Variants in STAU1 observed in about 807,000 individuals in gnomAD.
The protein encoded by STAU1 is double-stranded RNA-binding protein Staufen homolog 1.
In STAU1, 13 loss-of-function variants were observed where a neutral mutation model predicts 62.9. The ratio of observed to expected loss-of-function variants is 0.21; its 90% CI spans 0.13 to 0.33. The LOEUF is 0.33. Among genes scored for constraint, STAU1 ranks in the 10% least tolerant of loss-of-function variants. STAU1 has a pLI of 1.00. For missense variants in STAU1, 571 were observed against 712.1 expected (o/e 0.80, Z 2.25); for synonymous variants, 269 against 265.1 (o/e 1.01, Z -0.14).
intron 9 of STAU1, 148 bp downstream of exon 9, chr20:49,119,834 G>C (rs2092422676): frequency 1.0e-6 from 1 of 964,140 alleles, no homozygotes; most frequent in South Asian, 1.8e-5. Context: ...AGCACATTAT[G>C]GTCCAAATGG....
At chr20:49,167,220 T>C (rs530566437) in intron 2 of STAU1, among the ~76,000 whole-genome samples, 33 of 136,446 alleles carry the variant, frequency 2.4e-4, no homozygotes, top group African/African-American at 7.3e-4. Flanking sequence ...TCAAAGTACT[T>C]AAAAATAACC....
At chr20:49,135,038 T>G (rs1022568465) in intron 6 of STAU1, 36 of 1,521,570 alleles carry the variant, frequency 2.4e-5, no homozygotes, top group Non-Finnish European at 3.2e-5. Context: ...GCAGCCGCCA[T>G]CTCCAGAGCC....
chr20:49,120,232 G>A (rs2092434372), intron 8 of STAU1, 104 bp from the exon 9 acceptor site: 3 of 1,343,312 alleles, frequency 2.2e-6, no homozygotes, highest in South Asian at 1.5e-5. Context: ...TCAGAAGCAA[G>A]ATAACAGCAG....
chr20:49,151,025 G>A (rs1185730878), intron 5 of STAU1, among the ~76,000 whole-genome samples: 2 of 152,128 alleles, frequency 1.3e-5, no homozygotes, highest in Admixed American at 6.5e-5. Flanking sequence ...AACCAAAGCT[G>A]TGTGGAACGA....
At chr20:49,164,975 T>G (rs1326467349) in intron 3 of STAU1, among the ~76,000 whole-genome samples, 3 of 152,202 alleles carry the variant, frequency 2.0e-5, no homozygotes, top group Non-Finnish European at 4.4e-5. Flanking sequence ...GATAAAATCT[T>G]ACGGACATTC....
At chr20:49,199,999 T>C in the STAU1 span, among the ~76,000 whole-genome samples, 1 of 152,198 alleles carries the variant, frequency 6.6e-6, no homozygotes, top group Admixed American at 6.6e-5. Context: ...TGTGAACTGC[T>C]GCACCCAGCC....
the STAU1 span, among the ~76,000 whole-genome samples, chr20:49,204,746 T>A: frequency 2.0e-5 from 3 of 147,312 alleles, no homozygotes. Context: ...CCTCCCAGGT[T>A]TAAGCCATTC....
intron 3 of STAU1, among the ~76,000 whole-genome samples, chr20:49,159,425 A>G (rs2093416779): frequency 6.6e-6 from 1 of 152,234 alleles, no homozygotes; most frequent in Non-Finnish European, 1.5e-5. Flanking sequence ...TAAATTATTA[A>G]AAGTTCAAGT....
intron 3 of STAU1, among the ~76,000 whole-genome samples, chr20:49,165,102 T>C (rs1022365772): frequency 6.6e-6 from 1 of 152,160 alleles, no homozygotes; most frequent in Admixed American, 6.5e-5. Flanking sequence ...TGGAGTGCAG[T>C]GCCATGATCT....
At chr20:49,215,732 C>T in the STAU1 span, among the ~76,000 whole-genome samples, 20 of 152,174 alleles carry the variant, frequency 1.3e-4, no homozygotes, top group African/African-American at 3.4e-4. Context: ...CTTTGCCAGG[C>T]GCAGTGGCTG....
chr20:49,117,392 G>T lies in STAU1; in HGVS notation c.1510-144C>A. 1 of 1,024,850 alleles carries T rather than the reference G, an allele frequency of 9.8e-7. No individual in the cohort carries two copies. The highest frequency in any genetic ancestry group is 1.4e-6 in the Non-Finnish European group (1 of 699,174). 63.5% of individuals were successfully genotyped at this position (1,024,850 alleles called of 1,614,324 possible). ...CTGTGGCCATACTAACACCTGCCCT[G>T]TCAGCCCAGAACCTTCCAGGAACCT... On this transcript the variant is annotated intron_variant, in intron 11 of 13. Coordinates refer to ENST00000371856, the MANE Select transcript of STAU1 (RefSeq NM_017453.4). The surrounding 1 kb of genome is among the most constrained non-coding windows in gnomAD (Gnocchi z 4.6).
the STAU1 span, among the ~76,000 whole-genome samples, chr20:49,209,068 T>C: frequency 1.3e-5 from 2 of 151,860 alleles, no homozygotes; most frequent in African/African-American, 4.8e-5. Context: ...CCCGAGAAGC[T>C]GGGATTACAG....
intron 5 of STAU1, among the ~76,000 whole-genome samples, chr20:49,148,250 A>C (rs2093168811): frequency 6.6e-6 from 1 of 152,230 alleles, no homozygotes; most frequent in African/African-American, 2.4e-5. Flanking sequence ...CAATGCCACA[A>C]GTGGAAATTC....
the STAU1 span, among the ~76,000 whole-genome samples, chr20:49,195,845 G>A: frequency 7.5e-6 from 1 of 133,870 alleles, no homozygotes; most frequent in Non-Finnish European, 1.5e-5. Flanking sequence ...GGAGGTTGCA[G>A]TGAGATAGCG....
chr20:49,218,166 C>T, the STAU1 span, among the ~76,000 whole-genome samples: 1 of 151,698 alleles, frequency 6.6e-6, no homozygotes, highest in Non-Finnish European at 1.5e-5. Flanking sequence ...CGAGTCACCG[C>T]GCCCAGCTAG....
intron 6 of STAU1, 132 bp from the exon 7 acceptor site, chr20:49,124,719 C>T (rs142328039): frequency 2.1e-5 from 18 of 876,482 alleles, no homozygotes; most frequent in African/African-American, 6.7e-5. Flanking sequence ...TGAAAGGAAG[C>T]GGGGATCATT....
chr20:49,157,173 A>G (rs1175272205), intron 3 of STAU1, among the ~76,000 whole-genome samples: 2 of 152,118 alleles, frequency 1.3e-5, no homozygotes, highest in Non-Finnish European at 2.9e-5. Context: ...CACCACGTCC[A>G]GCCTCAAAAT....
At chr20:49,201,463 T>A in the STAU1 span, among the ~76,000 whole-genome samples, 2 of 152,076 alleles carry the variant, frequency 1.3e-5, no homozygotes, top group African/African-American at 4.8e-5. Context: ...AATATTGGCC[T>A]GGGCATGGTG....
chr20:49,123,343 TG>T (rs2092513110), intron 7 of STAU1, 108 bp from the exon 8 acceptor site: 1 of 1,365,950 alleles, frequency 7.3e-7, no homozygotes, highest in Non-Finnish European at 1.0e-6. Context: ...GTTGACCTAA[TG>T]GCTCAGAATT....
Sources: gnomAD v4.1 joint callset for allele counts (sites outside exome capture counted in the v4.1 genomes callset) on GRCh38, gnomAD v4.1.1 for gene constraint, Gnocchi (gnomAD v3.1) non-coding constraint, MANE v1.5 for transcripts, NCBI Gene and HGNC (gene_info 2026-07-23, HGNC 2026-07-21) for gene names.